KAT6A: variants seen among roughly 807,000 people sequenced by gnomAD.
KAT6A encodes lysine acetyltransferase 6A, also known as histone acetyltransferase KAT6A.
KAT6A carries 9 observed loss-of-function variants against 198.4 expected under a neutral mutation model. That is an observed-to-expected ratio of 0.05 (90% CI 0.03 to 0.08). The LOEUF (loss-of-function observed/expected upper bound fraction) is 0.08, where lower values mean the gene tolerates loss of function less well. Ranked by LOEUF, KAT6A falls within the 10% of genes least tolerant of loss-of-function variation. KAT6A has a pLI of 1.00. For synonymous variants in KAT6A, 890 were observed against 883.0 expected (o/e 1.01, Z -0.14); for missense variants, 2,077 against 2,509.9 (o/e 0.83, Z 3.69).
chr8:42,022,794 G>A (rs1587836466), intron 2 of KAT6A, among the ~76,000 whole-genome samples: 1 of 152,162 alleles, frequency 6.6e-6, no homozygotes, highest in East Asian at 1.9e-4. Context: ...AGAAACAAAT[G>A]TCCATTAACA....
chr8:42,019,842 G>C (rs1587832743), intron 2 of KAT6A, among the ~76,000 whole-genome samples: 1 of 152,074 alleles, frequency 6.6e-6, no homozygotes, highest in Non-Finnish European at 1.5e-5. Flanking sequence ...GGAAAAATGG[G>C]CATTTGTGCA....
intron 2 of KAT6A, among the ~76,000 whole-genome samples, chr8:42,026,296 A>G (rs1044096114): frequency 3.9e-5 from 6 of 152,002 alleles, no homozygotes; most frequent in African/African-American, 9.7e-5. Flanking sequence ...TGTTTTTTCT[A>G]TTTCTGTGAA....
intron 2 of KAT6A, among the ~76,000 whole-genome samples, chr8:42,009,506 T>G (rs1254414978): frequency 1.1e-4 from 16 of 151,724 alleles, no homozygotes. Flanking sequence ...AGGTGACATG[T>G]GACCCTGAGA....
chr8:42,037,942 C>CGGTCTGTTTACAA (rs1827460250), intron 2 of KAT6A, among the ~76,000 whole-genome samples: 1 of 152,176 alleles, frequency 6.6e-6, no homozygotes, highest in Non-Finnish European at 1.5e-5. Context: ...CTTCCCCACA[C>CGGTCTGTTTACAA]GGTCTGTTTA....
In KAT6A at chr8:41,959,025, G is replaced by T. The variant is rs186360678; in HGVS notation, c.1483-3614C>A. ...ATACAAAAAATTAGCTGAGGAGCTT[G>T]GTGGCGGGCACCTGTAGTCCCAGCT... On this transcript the variant is annotated intron_variant, in intron 8 of 16. Coordinates refer to ENST00000265713, the MANE Select transcript of KAT6A (RefSeq NM_006766.5). Among the ~76,000 whole-genome samples the T allele has an allele frequency of 8.6e-4, 131 of 152,180 alleles. 1 individual carries two copies. The highest frequency in any genetic ancestry group is 1.1e-3 in the Non-Finnish European group (74 of 68,000).
intron 8 of KAT6A, among the ~76,000 whole-genome samples, chr8:41,956,293 G>A (rs1822913267): frequency 6.6e-6 from 1 of 152,166 alleles, no homozygotes; most frequent in Non-Finnish European, 1.5e-5. Context: ...GTCCATGTGT[G>A]TGAGTGCAGA....
intron 8 of KAT6A, among the ~76,000 whole-genome samples, chr8:41,966,275 C>G (rs1823483983): frequency 6.6e-6 from 1 of 152,066 alleles, no homozygotes; most frequent in African/African-American, 2.4e-5. Flanking sequence ...TTATCCCCAG[C>G]TTTGCTTTTC....
At chr8:42,046,245 C>T (rs991569707) in intron 2 of KAT6A, among the ~76,000 whole-genome samples, 1 of 151,944 alleles carries the variant, frequency 6.6e-6, no homozygotes, top group East Asian at 1.9e-4. Context: ...ACAATAAAAG[C>T]AAACAACAGG....
Position 41,937,285 on chromosome 8 carries a change from T to G in KAT6A, c.3323A>C (p.Glu1108Ala). ...SSSKRKSKDEEEDEESDDADD... is the reference protein window; with the variant it reads ...SSSKRKSKDEAEDEESDDADD... ...AGCATCATCTGACTCTTCATCTTCT[T>G]CTTCATCTTTAGACTTCCTCTTAGA... Residue 1108 changes from glutamate to alanine, a missense_variant, in exon 16 of 17, where the codon GAA (glutamate) becomes GCA (alanine). Glu to Ala is a moderately radical substitution (Grantham distance 107). Around this residue, in one of 13 missense-constraint regions of KAT6A, gnomAD observed 375 missense variants for 383.0 expected, o/e 0.98. Coordinates refer to ENST00000265713, the MANE Select transcript of KAT6A (RefSeq NM_006766.5). 1 of 1,613,860 alleles carries G rather than the reference T, an allele frequency of 6.2e-7. No individual in the cohort carries two copies. Among genetic ancestry groups the G allele is most frequent in the Non-Finnish European group, 8.5e-7 (1 of 1,179,830 alleles).
chr8:42,001,258 A>G (rs1446192154), intron 2 of KAT6A, among the ~76,000 whole-genome samples: 5 of 152,222 alleles, frequency 3.3e-5, no homozygotes, highest in Non-Finnish European at 7.3e-5. Context: ...GAAAAGATAG[A>G]CAAAAATATG....
rs921860907 is a variant in KAT6A at position 42,032,476 on chromosome 8, G to A, written c.600+15902C>T. On this transcript the variant is annotated intron_variant, in intron 2 of 16. Transcript: ENST00000265713. ...TTTCCTTCTTCTCTAGGTTTGTCCC[G>A]ATTGGCTAAAGTTATGAGAAACAAA... Among the ~76,000 whole-genome samples the A allele has an allele frequency of 2.0e-4, 31 of 152,150 alleles. 1 individual carries two copies. The South Asian group carries it at 4.6e-3, about 22-fold the overall frequency.
At chr8:41,987,204 G>A (rs1236353934) in intron 3 of KAT6A, among the ~76,000 whole-genome samples, 1 of 152,158 alleles carries the variant, frequency 6.6e-6, no homozygotes, top group Non-Finnish European at 1.5e-5. Context: ...TTGAGCCTAT[G>A]AGCAACAGAC....
intron 16 of KAT6A, among the ~76,000 whole-genome samples, chr8:41,936,310 T>C (rs1269858078): frequency 6.6e-6 from 1 of 152,112 alleles, no homozygotes; most frequent in East Asian, 1.9e-4. Flanking sequence ...ATAGAAAATA[T>C]GAGAATGGAG....
At position 41,947,771 on chromosome 8, in the gene KAT6A, G is replaced by T. The variant is rs1177403114; in HGVS notation, c.1882C>A (p.Leu628Ile). The change falls in exon 11 of 17, where the codon CTT becomes ATT. Residue 628 changes from leucine to isoleucine, a missense_variant. Physicochemically the swap from Leu to Ile is conservative, Grantham distance 5 (BLOSUM62 2). Transcript: ENST00000265713. ...CTTACCTTAGAAAAGTAGCCAACAA[G>T]GTGGCAGCCCTTGACATCATTCTGT... is the stretch of plus-strand genomic sequence containing the variant. ...LTQNDVKGCH[L>I]VGYFSKEKHC... 1 of 1,594,124 alleles carries T rather than the reference G, an allele frequency of 6.3e-7. No homozygotes were observed. The highest frequency in any genetic ancestry group is 8.5e-7 in the Non-Finnish European group (1 of 1,175,018).
intron 2 of KAT6A, among the ~76,000 whole-genome samples, chr8:42,042,843 CTATATA>C (rs983801777): frequency 6.6e-6 from 1 of 152,084 alleles, no homozygotes; most frequent in Non-Finnish European, 1.5e-5. Flanking sequence ...AGAACACAAA[CTATATA>C]TATTCAAGTA....
intron 2 of KAT6A, among the ~76,000 whole-genome samples, chr8:42,010,327 C>G (rs1825965888): frequency 6.6e-6 from 1 of 152,152 alleles, no homozygotes; most frequent in Admixed American, 6.5e-5. Context: ...GGCCAGAAGA[C>G]TGCAGATCAG....
chr8:41,974,586 A>C lies in KAT6A; in HGVS notation c.1482+118T>G, dbSNP rs1823955765. ...GCAGAACTACATATACACACAAACCACAACTATTCTGAGATTAGGCAAACT... is the reference window on the plus strand; with the variant it reads ...GCAGAACTACATATACACACAAACCCCAACTATTCTGAGATTAGGCAAACT... On this transcript the variant is annotated intron_variant, in intron 8 of 16. Coordinates refer to ENST00000265713, the MANE Select transcript of KAT6A (RefSeq NM_006766.5). 4 of 649,098 alleles carry C rather than the reference A, an allele frequency of 6.2e-6. No homozygotes were observed. The Admixed American group carries it at 7.5e-5, about 12-fold the overall frequency. The allele number at this position is 649,098 out of a possible 1,614,324, so 40.2% of individuals were successfully genotyped here.
At chr8:42,033,092 C>T (rs942792759) in intron 2 of KAT6A, among the ~76,000 whole-genome samples, 9 of 151,974 alleles carry the variant, frequency 5.9e-5, no homozygotes, top group African/African-American at 2.2e-4. Flanking sequence ...CCAGGGTGGT[C>T]TCGAACTCCT....
chr8:42,038,507 GCTCT>G (rs1827485704), intron 2 of KAT6A, among the ~76,000 whole-genome samples: 1 of 148,588 alleles, frequency 6.7e-6, no homozygotes, highest in Non-Finnish European at 1.5e-5. Flanking sequence ...TAGGCTCACT[GCTCT>G]CTAATACTAT....
Sources: allele counts gnomAD v4.1 joint callset (sites outside exome capture counted in the v4.1 genomes callset), GRCh38; gene constraint gnomAD v4.1.1; regional missense constraint gnomAD v4.1.1; transcripts MANE v1.5; gene names NCBI Gene and HGNC (gene_info 2026-07-23, HGNC 2026-07-21).